BRINP1: variants seen among roughly 807,000 people sequenced by gnomAD.
BRINP1 encodes BMP/retinoic acid inducible neural specific 1, also known as BMP/retinoic acid-inducible neural-specific protein 1.
Under a neutral mutation model 72.9 loss-of-function variants are expected in BRINP1, and 17 were observed. The observed-to-expected ratio is 0.23, with a 90% CI of 0.16 to 0.35. The LOEUF (loss-of-function observed/expected upper bound fraction) is 0.35, where lower values mean the gene tolerates loss of function less well. BRINP1 is among the 10% of genes least tolerant of loss of function. The pLI, the probability that BRINP1 is intolerant of heterozygous loss-of-function variation, is 1.00. For missense variants in BRINP1, 850 were observed against 1,001.6 expected (o/e 0.85, Z 2.04); for synonymous variants, 418 against 378.5 (o/e 1.10, Z -1.21).
rs563820715 is a variant in BRINP1, at chr9:119,228,284, A to G, written c.685+10371T>C. The stretch of plus-strand genomic sequence containing the variant: ...CAAAAACTCAATTCAGCAATTCAGC[A>G]AATACATGTATGTACGTGTATACAC... On this transcript the variant is annotated intron_variant, in intron 5 of 7. Transcript: ENST00000265922. Among the ~76,000 whole-genome samples, 3 of 152,172 alleles carry G rather than the reference A, an allele frequency of 2.0e-5. No individual in the cohort carries two copies. The South Asian group carries it at 6.2e-4, about 32-fold the overall frequency.
intron 7 of BRINP1, among the ~76,000 whole-genome samples, chr9:119,184,772 C>T (rs774850674): frequency 3.9e-5 from 6 of 152,090 alleles, no homozygotes; most frequent in Non-Finnish European, 8.8e-5. Flanking sequence ...TGCAGTCACA[C>T]GAGTAGTACC....
intron 2 of BRINP1, among the ~76,000 whole-genome samples, chr9:119,281,583 G>A (rs1830713082): frequency 6.6e-6 from 1 of 152,132 alleles, no homozygotes; most frequent in Non-Finnish European, 1.5e-5. Context: ...AGCATTGTCA[G>A]GGAATATGAA....
intron 2 of BRINP1, among the ~76,000 whole-genome samples, chr9:119,264,471 A>G (rs1239634516): frequency 6.6e-6 from 1 of 152,208 alleles, no homozygotes; most frequent in African/African-American, 2.4e-5. Context: ...CCCACTGTCT[A>G]TGAGACAAAT....
chr9:119,208,330 T>G (rs1420133945), intron 7 of BRINP1, among the ~76,000 whole-genome samples: 1 of 152,254 alleles, frequency 6.6e-6, no homozygotes, highest in Non-Finnish European at 1.5e-5. Flanking sequence ...ATTAATTAGT[T>G]AATCCAGTTT....
intron 2 of BRINP1, among the ~76,000 whole-genome samples, chr9:119,278,693 T>C (rs1324783021): frequency 1.3e-5 from 2 of 152,144 alleles, no homozygotes; most frequent in African/African-American, 4.8e-5. Context: ...ATCGAGACCA[T>C]TCTGGCCAAC....
At chr9:119,299,528 AC>A (rs1320947077) in intron 2 of BRINP1, among the ~76,000 whole-genome samples, 1 of 151,168 alleles carries the variant, frequency 6.6e-6, no homozygotes, top group Non-Finnish European at 1.5e-5. Flanking sequence ...CAGGAGAATC[AC>A]TTGAACCTGG....
intron 1 of BRINP1, among the ~76,000 whole-genome samples, chr9:119,329,922 TGATA>T (rs1375746355): frequency 6.6e-6 from 1 of 152,182 alleles, no homozygotes; most frequent in Non-Finnish European, 1.5e-5. Flanking sequence ...CACTAGCCAG[TGATA>T]CCTATTTAAT....
At chr9:119,343,836 A>G (rs566262959) in intron 1 of BRINP1, among the ~76,000 whole-genome samples, 9 of 152,282 alleles carry the variant, frequency 5.9e-5, no homozygotes, top group African/African-American at 2.2e-4. Context: ...GCCACTCAAC[A>G]ATATATGATT....
At chr9:119,255,299 T>C (rs931908477) in intron 2 of BRINP1, among the ~76,000 whole-genome samples, 32 of 152,218 alleles carry the variant, frequency 2.1e-4, no homozygotes, top group Non-Finnish European at 4.4e-5. Flanking sequence ...AATATGCTTA[T>C]GCCCAATTAA....
At chr9:119,213,729 T>C (rs915017797) in intron 6 of BRINP1, 190 bp downstream of exon 6, 1 of 658,394 alleles carries the variant, frequency 1.5e-6, no homozygotes. Context: ...TATTCATTAA[T>C]TTTATTCAGT....
intron 2 of BRINP1, among the ~76,000 whole-genome samples, chr9:119,284,193 C>T (rs1029082376): frequency 1.3e-5 from 2 of 152,196 alleles, no homozygotes; most frequent in African/African-American, 4.8e-5. Flanking sequence ...TCTGGGAAAG[C>T]CCATGCTTTC....
intron 2 of BRINP1, among the ~76,000 whole-genome samples, chr9:119,274,971 G>A (rs1830641860): frequency 6.6e-6 from 1 of 152,068 alleles, no homozygotes; most frequent in Non-Finnish European, 1.5e-5. Context: ...TAATGCTTAT[G>A]ATAACCCTGT....
rs141317019 is a variant in BRINP1, at chr9:119,335,188, C to T, written c.-50-21783G>A. ...CAGAAGGGCCTTTGGAAACTGTTAA[C>T]CTAAGGCTGCTTGAGCCAAGTTACG... On this transcript the variant is annotated intron_variant, in intron 1 of 7. Transcript: ENST00000265922. Among the ~76,000 whole-genome samples the T allele has an allele frequency of 1.5e-3, 221 of 152,288 alleles. 1 individual carries two copies. Among genetic ancestry groups the T allele is most frequent in the African/African-American group, 4.1e-3 (171 of 41,576 alleles).
intron 1 of BRINP1, among the ~76,000 whole-genome samples, chr9:119,342,028 A>G (rs2119024557): frequency 1.3e-5 from 2 of 152,242 alleles, no homozygotes; most frequent in Middle Eastern, 3.4e-3. Flanking sequence ...TCGGTCACCC[A>G]AAGTGCTGGG....
intron 1 of BRINP1, among the ~76,000 whole-genome samples, chr9:119,360,907 T>C (rs1831622493): frequency 6.6e-6 from 1 of 152,234 alleles, no homozygotes; most frequent in Non-Finnish European, 1.5e-5. Context: ...ACAAAAATGG[T>C]TGCATGTTGC....
chr9:119,243,056 G>A (rs889039907), intron 3 of BRINP1, among the ~76,000 whole-genome samples: 1 of 151,586 alleles, frequency 6.6e-6, no homozygotes, highest in Non-Finnish European at 1.5e-5. Context: ...ACAAACTGGT[G>A]CAAATTTTTT....
chr9:119,245,229 C>T (rs967483634), intron 3 of BRINP1, among the ~76,000 whole-genome samples: 2 of 152,084 alleles, frequency 1.3e-5, no homozygotes, highest in Non-Finnish European at 2.9e-5. Context: ...ATGTTGCAAC[C>T]ATATATATGT....
At chr9:119,175,129 A>AAAAAG (rs1554745054) in intron 7 of BRINP1, among the ~76,000 whole-genome samples, 1 of 150,462 alleles carries the variant, frequency 6.6e-6, no homozygotes, top group African/African-American at 2.5e-5. Flanking sequence ...TAAAAAAAAA[A>AAAAAG]AAAGACAAAA....
intron 1 of BRINP1, among the ~76,000 whole-genome samples, chr9:119,357,265 G>A (rs1296967863): frequency 6.6e-6 from 1 of 152,232 alleles, no homozygotes; most frequent in East Asian, 1.9e-4. Flanking sequence ...ATGTGTGTGT[G>A]TGTGTATAAG....
Sources: allele counts gnomAD v4.1 joint callset (sites outside exome capture counted in the v4.1 genomes callset), GRCh38; gene constraint gnomAD v4.1.1; transcripts MANE v1.5; gene names NCBI Gene and HGNC (gene_info 2026-07-23, HGNC 2026-07-21).